The following SMOC2 variants were observed in gnomAD, a reference collection of about 807,000 sequenced individuals.
SMOC2 encodes SPARC-related modular calcium-binding protein 2.
A neutral mutation model predicts 61.4 loss-of-function variants in SMOC2; 39 were observed. That is an observed-to-expected ratio of 0.64 (90% CI 0.49 to 0.83). SMOC2 has a LOEUF of 0.83. Among genes scored for constraint, SMOC2 ranks in the 40% least tolerant of loss-of-function variants. The probability of loss-of-function intolerance (pLI) is 0.00; values close to 1 mark genes in which losing one functional copy is unlikely to be tolerated. For synonymous variants in SMOC2, 247 were observed against 239.9 expected (o/e 1.03, Z -0.27); for missense variants, 556 against 592.9 (o/e 0.94, Z 0.65).
intron 4 of SMOC2, among the ~76,000 whole-genome samples, chr6:168,541,205 G>A (rs1469614031): frequency 2.0e-5 from 3 of 152,110 alleles, no homozygotes; most frequent in Non-Finnish European, 2.9e-5. Context: ...AGATGGAATG[G>A]GATCTCACAA....
intron 7 of SMOC2, among the ~76,000 whole-genome samples, chr6:168,585,323 CCTGT>C (rs1339621451): frequency 7.9e-5 from 12 of 152,278 alleles, no homozygotes; most frequent in South Asian, 6.2e-4. Flanking sequence ...CCCCTTTGTT[CCTGT>C]CTTTTTTTCG....
chr6:168,647,446 C>T (rs1787064661), intron 9 of SMOC2, among the ~76,000 whole-genome samples: 1 of 152,178 alleles, frequency 6.6e-6, no homozygotes, highest in Admixed American at 6.5e-5. Flanking sequence ...TCAAGATGGG[C>T]CAGAGGAGTT....
At chr6:168,497,788 C>A (rs1319058589) in intron 1 of SMOC2, among the ~76,000 whole-genome samples, 1 of 152,124 alleles carries the variant, frequency 6.6e-6, no homozygotes, top group South Asian at 2.1e-4. Flanking sequence ...CTTACAACCA[C>A]GTTTTGCCCC....
In SMOC2 at chr6:168,606,392, TTGTC is replaced by T. The variant is rs1785690981; in HGVS notation, c.825-1762_825-1759del. ...AATATTTCAAAAAGATATATTAAGT[TTGTC>T]TGACTGGGGTGGCAGGTTTTCTGGT... On this transcript the variant is annotated intron_variant, in intron 8 of 12. Coordinates refer to ENST00000356284, the MANE Select transcript of SMOC2 (RefSeq NM_001166412.2). 3.3e-5 allele frequency among the ~76,000 whole-genome samples: 5 copies of T among 152,284 alleles called. No individual in the cohort carries two copies. The South Asian group carries it at 1.0e-3, about 32-fold the overall frequency.
intron 7 of SMOC2, among the ~76,000 whole-genome samples, chr6:168,598,328 A>G (rs1377499872): frequency 1.3e-5 from 2 of 152,194 alleles, no homozygotes; most frequent in East Asian, 3.9e-4. Context: ...GTTGAGAATG[A>G]GGAGAGAGGG....
chr6:168,515,037 A>T (rs996410505), intron 2 of SMOC2, among the ~76,000 whole-genome samples: 1 of 152,216 alleles, frequency 6.6e-6, no homozygotes, highest in Non-Finnish European at 1.5e-5. Context: ...ACAAATGTCA[A>T]TTAAACACAG....
At chr6:168,528,140 G>A (rs967985004) in intron 4 of SMOC2, among the ~76,000 whole-genome samples, 1 of 152,176 alleles carries the variant, frequency 6.6e-6, no homozygotes, top group African/African-American at 2.4e-5. Flanking sequence ...AAGAAAAATG[G>A]GTCTTTCTTC....
intron 1 of SMOC2, among the ~76,000 whole-genome samples, chr6:168,487,847 T>C (rs1328673174): frequency 6.6e-6 from 1 of 152,194 alleles, no homozygotes; most frequent in Non-Finnish European, 1.5e-5. Context: ...ACACAATCTA[T>C]ACGTTGATGT....
intron 9 of SMOC2, among the ~76,000 whole-genome samples, chr6:168,643,900 C>T (rs1248818678): frequency 6.6e-6 from 1 of 152,272 alleles, no homozygotes; most frequent in Non-Finnish European, 1.5e-5. Flanking sequence ...CGGCCCCACG[C>T]GTAGATCAGA....
intron 7 of SMOC2, among the ~76,000 whole-genome samples, chr6:168,569,286 T>C (rs1221049743): frequency 6.6e-6 from 1 of 152,272 alleles, no homozygotes; most frequent in African/African-American, 2.4e-5. Flanking sequence ...ACATAGGGTA[T>C]TGAATGACTT....
chr6:168,525,299 G>C (rs1395834699), intron 2 of SMOC2, among the ~76,000 whole-genome samples: 2 of 152,166 alleles, frequency 1.3e-5, no homozygotes, highest in African/African-American at 2.4e-5. Context: ...CCCCCTGGGG[G>C]CACTGAAAGA....
rs193094119 is a variant in SMOC2, at chr6:168,490,089, A to G, written c.85-19826A>G. 6.9e-3 allele frequency among the ~76,000 whole-genome samples: 1,047 copies of G among 151,252 alleles called. 20 individuals are homozygous for G. The highest frequency in any genetic ancestry group is 0.024 in the African/African-American group (987 of 41,054). On this transcript the variant is annotated intron_variant, in intron 1 of 12. Transcript: ENST00000356284. The stretch of plus-strand genomic sequence containing the variant: ...ACACTGTTTTAGAATGAAATATATC[A>G]AATCGTCTGGGTCCCCTTGGATCAC...
chr6:168,482,846 C>A (rs1782240680), intron 1 of SMOC2, among the ~76,000 whole-genome samples: 1 of 152,022 alleles, frequency 6.6e-6, no homozygotes, highest in Admixed American at 6.6e-5. Flanking sequence ...GAAAACTTAA[C>A]ACACTTCCAT....
At chr6:168,640,424 G>C (rs1015505746) in intron 9 of SMOC2, among the ~76,000 whole-genome samples, 1 of 152,144 alleles carries the variant, frequency 6.6e-6, no homozygotes, top group Non-Finnish European at 1.5e-5. Context: ...GAGGGGCCCA[G>C]GCAGCCAGGC....
chr6:168,581,919 C>A (rs1281948373), intron 7 of SMOC2, among the ~76,000 whole-genome samples: 6 of 152,218 alleles, frequency 3.9e-5, no homozygotes, highest in South Asian at 2.1e-4. Flanking sequence ...GAAGTCTCCT[C>A]CGTGCAGAGG....
At chr6:168,516,297 ATTAATAT>A (rs1783132437) in intron 2 of SMOC2, among the ~76,000 whole-genome samples, 1 of 151,718 alleles carries the variant, frequency 6.6e-6, no homozygotes, top group South Asian at 2.1e-4. Context: ...CTGCACACAC[ATTAATAT>A]TTTTCTTTTG....
At chr6:168,545,331 T>C (rs1031639757) in intron 5 of SMOC2, among the ~76,000 whole-genome samples, 2 of 152,126 alleles carry the variant, frequency 1.3e-5, no homozygotes, top group African/African-American at 4.8e-5. Context: ...CCCCCCACTT[T>C]AGGCCGGAAT....
intron 9 of SMOC2, among the ~76,000 whole-genome samples, chr6:168,623,457 T>A (rs905379065): frequency 6.7e-6 from 1 of 149,522 alleles, no homozygotes; most frequent in Admixed American, 6.7e-5. Flanking sequence ...TCCGAGTAAC[T>A]AGGACTACAC....
chr6:168,630,237 G>A (rs189290470), intron 9 of SMOC2, among the ~76,000 whole-genome samples: 36 of 152,288 alleles, frequency 2.4e-4, no homozygotes, highest in Non-Finnish European at 3.8e-4. Context: ...GTCCTGTTGC[G>A]GGAAGTCAGG....
Sources: gnomAD v4.1 joint callset for allele counts (sites outside exome capture counted in the v4.1 genomes callset) on GRCh38, gnomAD v4.1.1 for gene constraint, MANE v1.5 for transcripts, NCBI Gene and HGNC (gene_info 2026-07-23, HGNC 2026-07-21) for gene names.